The following ATP8B1 variants were observed in gnomAD, a reference collection of about 807,000 sequenced individuals.
The protein encoded by ATP8B1 is ATPase phospholipid transporting 8B1, also known as phospholipid-transporting ATPase IC.
ATP8B1 carries 80 observed loss-of-function variants against 149.9 expected under a neutral mutation model. The ratio of observed to expected loss-of-function variants is 0.53; its 90% CI spans 0.45 to 0.64. The LOEUF is 0.64. Among genes scored for constraint, ATP8B1 ranks in the 30% least tolerant of loss-of-function variants. The probability of loss-of-function intolerance (pLI) is 0.00; values close to 1 mark genes in which losing one functional copy is unlikely to be tolerated. For synonymous variants in ATP8B1, 536 were observed against 562.8 expected (o/e 0.95, Z 0.67); for missense variants, 1,247 against 1,552.6 (o/e 0.80, Z 3.31).
chr18:57,674,510 G>T lies in ATP8B1; in HGVS notation c.1819+324C>A, dbSNP rs529853272. On this transcript the variant is annotated intron_variant, in intron 16 of 27. Coordinates refer to ENST00000648908, the MANE Select transcript of ATP8B1 (RefSeq NM_001374385.1). ...CGCCATTCTCCTGTCTCAGCCTCCC[G>T]AGTGGCTGGGACTACAGGTGCCAGC... Among the ~76,000 whole-genome samples the T allele has an allele frequency of 5.4e-5, 8 of 147,614 alleles. No homozygotes were observed. In the South Asian group the frequency reaches 1.8e-3, roughly 33 times the overall value.
At chr18:57,755,792 T>TA (rs2123290173) in intron 1 of ATP8B1, among the ~76,000 whole-genome samples, 1 of 152,270 alleles carries the variant, frequency 6.6e-6, no homozygotes, top group African/African-American at 2.4e-5. Flanking sequence ...TCCTGTTCTC[T>TA]ACAGAGTCAC....
intron 1 of ATP8B1, among the ~76,000 whole-genome samples, chr18:57,777,700 C>G (rs2080317540): frequency 1.3e-5 from 2 of 152,200 alleles, no homozygotes; most frequent in African/African-American, 4.8e-5. Flanking sequence ...TCTCAAGTAG[C>G]TGGGATTACA....
chr18:57,691,826 G>A lies in ATP8B1; in HGVS notation c.1201C>T (p.Pro401Ser), dbSNP rs769882309. 1 of 1,614,124 alleles carries A rather than the reference G, an allele frequency of 6.2e-7. No individual in the cohort carries two copies. The highest frequency in any genetic ancestry group is 1.1e-5 in the South Asian group (1 of 91,074). Reference protein sequence around the residue: ...GYIIVLNTMVPISLYVSVEVI... With the variant: ...GYIIVLNTMVSISLYVSVEVI... ...CCTTACCTGACATAGAGAGAGATGG[G>A]TACCATGGTGTTGAGAACAATGATA... Residue 401 changes from proline to serine, a missense_variant, in exon 12 of 28, where the codon CCC (proline) becomes TCC (serine). Pro to Ser is a moderately conservative substitution (Grantham distance 74). This residue lies in a region of ATP8B1 where 853 missense variants were observed against 1,035.7 expected (regional missense o/e 0.82). Coordinates refer to ENST00000648908, the MANE Select transcript of ATP8B1 (RefSeq NM_001374385.1).
chr18:57,692,560 T>C (rs1912595244), intron 11 of ATP8B1, among the ~76,000 whole-genome samples: 1 of 150,724 alleles, frequency 6.6e-6, no homozygotes, highest in African/African-American at 2.4e-5. Flanking sequence ...TTCAGCCTCC[T>C]GAGTAGCTGG....
Position 57,662,605 on chromosome 18 carries a change from G to A in ATP8B1, c.2296C>T (p.His766Tyr). The A allele has an allele frequency of 1.2e-6, 2 of 1,614,164 alleles. No individual in the cohort carries two copies. The highest frequency in any genetic ancestry group is 1.7e-6 in the Non-Finnish European group (2 of 1,180,020). The change falls in exon 21 of 28, where the codon CAT (histidine) becomes TAT (tyrosine). Residue 766 changes from histidine to tyrosine, a missense_variant. By Grantham distance (83) the His-to-Tyr change is moderately conservative (BLOSUM62 2). Coordinates refer to ENST00000648908, the MANE Select transcript of ATP8B1 (RefSeq NM_001374385.1). ...CYGEDINSLLHARMENQRNRG... is the reference protein window; with the variant it reads ...CYGEDINSLLYARMENQRNRG... ...TTCCTCTGGTTTTCCATCCTTGCAT[G>A]AAGAAGAGAACTAGGGGAAACCAAA...
chr18:57,725,827 T>A (rs2079700399), intron 2 of ATP8B1, among the ~76,000 whole-genome samples: 1 of 152,228 alleles, frequency 6.6e-6, no homozygotes, highest in Non-Finnish European at 1.5e-5. Context: ...TGCATATTTA[T>A]ATGTAGATGA....
In ATP8B1 at chr18:57,690,269, A is replaced by G. The variant is rs74704813; in HGVS notation, c.1220+1538T>C. 5.1e-3 allele frequency among the ~76,000 whole-genome samples: 777 copies of G among 152,316 alleles called. 10 individuals are homozygous for G. Among genetic ancestry groups the G allele is most frequent in the African/African-American group, 0.017 (708 of 41,582 alleles). On this transcript the variant is annotated intron_variant, in intron 12 of 27. Transcript: ENST00000648908. Reference sequence around the variant, plus strand: ...TGCAGGAAGAATATCAAGGGGCCAGAGTGGCAGAAGCCCAGGGAGGTGGGC... The same window carrying G: ...TGCAGGAAGAATATCAAGGGGCCAGGGTGGCAGAAGCCCAGGGAGGTGGGC...
chr18:57,786,855 A>C (rs2080415505), intron 1 of ATP8B1, among the ~76,000 whole-genome samples: 1 of 152,238 alleles, frequency 6.6e-6, no homozygotes, highest in Non-Finnish European at 1.5e-5. Flanking sequence ...AAAATGTTAA[A>C]GGGTGTTTTT....
At chr18:57,661,542 G>T in intron 21 of ATP8B1, 80 bp from the exon 22 acceptor site, 2 of 1,462,636 alleles carry the variant, frequency 1.4e-6, no homozygotes, top group Non-Finnish European at 1.9e-6. Flanking sequence ...TAAATTATGT[G>T]AAGGATAATT....
intron 1 of ATP8B1, among the ~76,000 whole-genome samples, chr18:57,786,926 T>C (rs1017067977): frequency 3.3e-5 from 5 of 152,222 alleles, no homozygotes; most frequent in Non-Finnish European, 5.9e-5. Context: ...TAAGGGGTAT[T>C]GAAATACAGC....
chr18:57,671,820 C>T (rs1392883992), intron 16 of ATP8B1, among the ~76,000 whole-genome samples: 1 of 151,846 alleles, frequency 6.6e-6, no homozygotes, highest in African/African-American at 2.4e-5. Context: ...GGAGGTCTCA[C>T]TATGTTACCC....
rs967464333 is a variant in ATP8B1, at chr18:57,802,200, C to T, written c.-26+798G>A. On this transcript the variant is annotated intron_variant, in intron 1 of 27. Coordinates refer to ENST00000648908, the MANE Select transcript of ATP8B1 (RefSeq NM_001374385.1). The surrounding 1 kb of genome is among the most constrained non-coding windows in gnomAD (Gnocchi z 4.9). The stretch of plus-strand genomic sequence containing the variant: ...GAAGTGGGGGCGAGGGGTGTTAAAG[C>T]ACTGGGCCATTCTCTGCAACATCTC... Among the ~76,000 whole-genome samples the T allele has an allele frequency of 6.6e-6, 1 of 152,114 alleles. No individual in the cohort carries two copies. The highest frequency in any genetic ancestry group is 1.5e-5 in the Non-Finnish European group (1 of 68,016).
At chr18:57,713,199 CCTTCCT>C (rs1913793686) in intron 2 of ATP8B1, among the ~76,000 whole-genome samples, 2 of 64,072 alleles carry the variant, frequency 3.1e-5, no homozygotes, top group African/African-American at 1.1e-4. Context: ...TTCTTTCTTT[CCTTCCT>C]TCCTTCCTTC....
At position 57,798,964 on chromosome 18, in the gene ATP8B1, A is replaced by G. The variant is rs562394216; in HGVS notation, c.-26+4034T>C. ...ATGATTCCTGTTTCCTACATAGCCC[A>G]GGAGAAAGGCAATGGCTGGGTGAGT... On this transcript the variant is annotated intron_variant, in intron 1 of 27. Transcript: ENST00000648908. 7.2e-5 allele frequency among the ~76,000 whole-genome samples: 11 copies of G among 152,390 alleles called. No homozygotes were observed. The South Asian group carries it at 2.1e-3, about 29-fold the overall frequency.
At chr18:57,694,297 G>A (rs1912690701) in intron 11 of ATP8B1, among the ~76,000 whole-genome samples, 1 of 151,904 alleles carries the variant, frequency 6.6e-6, no homozygotes, top group Admixed American at 6.6e-5. Context: ...TTTATCTAGG[G>A]CTTCCTGGTT....
At position 57,802,418 on chromosome 18, in the gene ATP8B1, C is replaced by G. The variant is rs1355719550; in HGVS notation, c.-26+580G>C. Among the ~76,000 whole-genome samples the G allele has an allele frequency of 6.6e-6, 1 of 152,182 alleles. No individual in the cohort carries two copies. Among genetic ancestry groups the G allele is most frequent in the Non-Finnish European group, 1.5e-5 (1 of 68,034 alleles). On this transcript the variant is annotated intron_variant, in intron 1 of 27. Transcript: ENST00000648908. The surrounding 1 kb of genome is among the most constrained non-coding windows in gnomAD (Gnocchi z 4.9). ...CCTCCCCATCCCACAATAAAGCGCA[C>G]GGAAGATGTCTGGGAGTACCTGGCC...
intron 27 of ATP8B1, among the ~76,000 whole-genome samples, chr18:57,650,136 T>C (rs1056970818): frequency 6.6e-6 from 1 of 152,248 alleles, no homozygotes; most frequent in Non-Finnish European, 1.5e-5. Flanking sequence ...TGGGGCTCAT[T>C]CTGTTCTCCC....
chr18:57,665,887 G>C (rs1297201481), intron 20 of ATP8B1, among the ~76,000 whole-genome samples: 1 of 152,042 alleles, frequency 6.6e-6, no homozygotes, highest in Admixed American at 6.6e-5. Context: ...GCACAAAGGG[G>C]CATGGCTTAT....
rs886530313 is a variant in ATP8B1 at position 57,730,816 on chromosome 18, TATATATATATATATATATACACAC to T, written c.181+787_181+810del. Among the ~76,000 whole-genome samples the T allele has an allele frequency of 0.023, 26 of 1,132 alleles. No individual in the cohort carries two copies. In the East Asian group the frequency reaches 0.29, roughly 12 times the overall value. The allele number at this position is 1,132 out of a possible 152,430, so 0.7% of individuals were successfully genotyped here. ...CAGACCATATACATATATATATATA[TATATATATATATATATATACACAC>T]ACACACACACACACATACACAAGGA... On this transcript the variant is annotated intron_variant, in intron 2 of 27. Coordinates refer to ENST00000648908, the MANE Select transcript of ATP8B1 (RefSeq NM_001374385.1).
Sources: gnomAD v4.1 joint callset for allele counts (sites outside exome capture counted in the v4.1 genomes callset) on GRCh38, gnomAD v4.1.1 for gene constraint, gnomAD v4.1.1 regional missense constraint, Gnocchi (gnomAD v3.1) non-coding constraint, MANE v1.5 for transcripts, NCBI Gene and HGNC (gene_info 2026-07-23, HGNC 2026-07-21) for gene names.